The following ING3 variants were observed in gnomAD, a reference collection of about 807,000 sequenced individuals.
ING3 encodes inhibitor of growth family member 3.
ING3 carries 6 observed loss-of-function variants against 64.8 expected under a neutral mutation model. That is an observed-to-expected ratio of 0.09 (90% CI 0.05 to 0.18). The LOEUF is 0.18. Ranked by LOEUF, ING3 falls within the 10% of genes least tolerant of loss-of-function variation. ING3 has a pLI of 1.00. For missense variants in ING3, 310 were observed against 489.7 expected, an observed-to-expected ratio of 0.63 and a Z score of 3.46; for synonymous variants, 170 against 173.7, an observed-to-expected ratio of 0.98 and a Z score of 0.17.
chr7:120,966,513 G>C (rs1795998932), intron 5 of ING3, 113 bp from the exon 6 acceptor site: 3 of 820,584 alleles, frequency 3.7e-6, no homozygotes, highest in South Asian at 1.3e-5. Context: ...ATATGCATCA[G>C]AACTTGCTAG....
At chr7:120,971,942 A>G (rs1384018499) in intron 10 of ING3, among the ~76,000 whole-genome samples, 4 of 152,054 alleles carry the variant, frequency 2.6e-5, no homozygotes, top group Non-Finnish European at 4.4e-5. Context: ...CTAAGTACCA[A>G]TTTGGTAGTT....
chr7:120,967,098 A>T (rs1359748311), intron 6 of ING3, among the ~76,000 whole-genome samples: 1 of 152,178 alleles, frequency 6.6e-6, no homozygotes, highest in African/African-American at 2.4e-5. Flanking sequence ...TTGGCATATA[A>T]TTAAGTCTGA....
Position 120,966,664 on chromosome 7 carries a change from A to C in ING3, c.403A>C (p.Asn135His). 3 of 1,613,810 alleles carry C rather than the reference A, an allele frequency of 1.9e-6. No homozygotes were observed. The highest frequency in any genetic ancestry group is 2.5e-6 in the Non-Finnish European group (3 of 1,179,702). The change falls in exon 6 of 12, where the codon AAT becomes CAT. Residue 135 changes from asparagine to histidine, a missense_variant. Asn to His is a moderately conservative substitution (Grantham distance 68). Coordinates refer to ENST00000315870, the MANE Select transcript of ING3 (RefSeq NM_019071.3). ...AGACACTCCTTCACAGCCAGTGAAC[A>C]ATCACCATGCTCATTCACATACTCC... ...ELDTPSQPVNNHHAHSHTPVE... is the reference protein window; with the variant it reads ...ELDTPSQPVNHHHAHSHTPVE...
intron 10 of ING3, 148 bp from the exon 11 acceptor site, chr7:120,973,057 A>C (rs1365385736): frequency 1.3e-5 from 5 of 376,642 alleles, no homozygotes; most frequent in Non-Finnish European, 2.5e-5. Flanking sequence ...GTATTTCAGG[A>C]AAAAATTATT....
intron 1 of ING3, 80 bp from the exon 2 acceptor site, chr7:120,951,084 C>T (rs1474758167): frequency 1.3e-6 from 2 of 1,556,070 alleles, no homozygotes; most frequent in Admixed American, 1.7e-5. Context: ...CCCCTCGACC[C>T]CCCTGACGCA....
chr7:120,956,658 G>A (rs1380614569), intron 4 of ING3: 1 of 986,974 alleles, frequency 1.0e-6, no homozygotes, highest in Non-Finnish European at 1.2e-6. Context: ...GGTAGAATAG[G>A]CTGTAGCTTG....
chr7:120,950,862 T>C lies in ING3; in HGVS notation c.-35T>C, dbSNP rs754734813. The C allele has an allele frequency of 1.0e-5, 16 of 1,573,418 alleles. No individual in the cohort carries two copies. The South Asian group carries it at 1.5e-4, about 15-fold the overall frequency. ...ACAGCGAGTGACACAAATAAACCCC[T>C]GGACCCCCTTGTTCCCTCAGCTCTA... On this transcript the variant is annotated 5_prime_UTR_variant, in exon 1 of 12. Transcript: ENST00000315870.
At position 120,953,403 on chromosome 7, in the gene ING3, A is replaced by T; in HGVS notation, c.200A>T (p.Lys67Ile). Residue 67 changes from lysine to isoleucine, a missense_variant and splice_region_variant, in exon 3 of 12, where the codon AAA becomes ATA. Lys to Ile is a moderately radical substitution (Grantham distance 102). Coordinates refer to ENST00000315870, the MANE Select transcript of ING3 (RefSeq NM_019071.3). ...GAAGAGCAAATGGCATCCATCAAAA[A>T]AGTATGTGCAACACTTTGGATAATT... ...WREEQMASIK[K>I]DYYKALEDAD... The T allele has an allele frequency of 6.4e-7, 1 of 1,562,622 alleles. No homozygotes were observed.
chr7:120,970,574 C>G, intron 9 of ING3, 114 bp from the exon 10 acceptor site: 2 of 1,080,812 alleles, frequency 1.9e-6, no homozygotes, highest in Middle Eastern at 2.1e-4. Flanking sequence ...ATTACTTTAG[C>G]TTACACTTTA....
chr7:120,963,378 A>G (rs1795957638), intron 4 of ING3, among the ~76,000 whole-genome samples: 1 of 152,152 alleles, frequency 6.6e-6, no homozygotes, highest in African/African-American at 2.4e-5. Context: ...AATATATAAA[A>G]TACAAATAAT....
intron 3 of ING3, 45 bp downstream of exon 3, chr7:120,953,449 C>A (rs375310628): frequency 7.8e-6 from 9 of 1,156,560 alleles, no homozygotes; most frequent in Non-Finnish European, 1.1e-5. Context: ...TATTGGGACC[C>A]TCTGAAAAAG....
chr7:120,964,117 G>A (rs1270012327), intron 4 of ING3, among the ~76,000 whole-genome samples: 1 of 151,988 alleles, frequency 6.6e-6, no homozygotes, highest in East Asian at 1.9e-4. Context: ...AGTTAACTAG[G>A]GAAATAGTAT....
At chr7:120,968,158 A>C in intron 8 of ING3, 67 bp downstream of exon 8, 1 of 1,391,368 alleles carries the variant, frequency 7.2e-7, no homozygotes, top group Non-Finnish European at 9.9e-7. Flanking sequence ...CCTAATAGAA[A>C]TAACGGGATG....
intron 5 of ING3, among the ~76,000 whole-genome samples, chr7:120,965,847 A>G (rs1795990609): frequency 1.3e-5 from 2 of 152,168 alleles, no homozygotes; most frequent in South Asian, 4.1e-4. Context: ...TATAAAGATA[A>G]TAAGTATTTT....
chr7:120,974,270 G>T (rs1473302713), intron 11 of ING3, among the ~76,000 whole-genome samples: 1 of 152,016 alleles, frequency 6.6e-6, no homozygotes, highest in East Asian at 1.9e-4. Context: ...ACATTTCAAG[G>T]AATAGAAACA....
In ING3 at chr7:120,968,021, C is replaced by T. The variant is rs200304406; in HGVS notation, c.644C>T (p.Ser215Leu). Residue 215 changes from serine to leucine, a missense_variant, in exon 8 of 12, where the codon TCG becomes TTG. Transcript: ENST00000315870. ...CCTCTGGGATCCTATAACATTGGCTCGTTATCTTCAGGAACTGGTGCAGGG... is the reference window on the plus strand; with the variant it reads ...CCTCTGGGATCCTATAACATTGGCTTGTTATCTTCAGGAACTGGTGCAGGG... ...SQPLGSYNIG[S>L]LSSGTGAGAI... 4.3e-6 allele frequency: 7 copies of T among 1,614,036 alleles called. No individual in the cohort carries two copies. Among genetic ancestry groups the T allele is most frequent in the African/African-American group, 2.7e-5 (2 of 75,008 alleles).
intron 5 of ING3, among the ~76,000 whole-genome samples, chr7:120,965,301 T>G (rs879693686): frequency 1.3e-5 from 2 of 152,206 alleles, no homozygotes; most frequent in African/African-American, 2.4e-5. Flanking sequence ...CCTCTTTTTC[T>G]TAAAGAAGTG....
chr7:120,958,773 A>C (rs1393368117), intron 4 of ING3, among the ~76,000 whole-genome samples: 1 of 152,176 alleles, frequency 6.6e-6, no homozygotes, highest in East Asian at 1.9e-4. Flanking sequence ...GGTCTTCCTC[A>C]TATTTAAAAA....
Position 120,951,248 on chromosome 7 carries a change from GTCTACTAC to G in ING3, c.100+16_100+23del. On this transcript the variant is annotated intron_variant, in intron 2 of 11. Coordinates refer to ENST00000315870, the MANE Select transcript of ING3 (RefSeq NM_019071.3). ...CTGCAGGTGCAGAGTAAGTCGGCGC[GTCTACTAC>G]TCCTGTTCGCTGCGCGCGTTCAGTG... The G allele has an allele frequency of 6.2e-7, 1 of 1,613,554 alleles. No homozygotes were observed. Among genetic ancestry groups the G allele is most frequent in the Non-Finnish European group, 8.5e-7 (1 of 1,179,528 alleles).
Sources: allele counts gnomAD v4.1 joint callset (sites outside exome capture counted in the v4.1 genomes callset), GRCh38; gene constraint gnomAD v4.1.1; transcripts MANE v1.5; gene names NCBI Gene and HGNC (gene_info 2026-07-23, HGNC 2026-07-21).